The following EPB41L3 variants were observed in gnomAD, a reference collection of about 807,000 sequenced individuals.
EPB41L3 encodes the protein band 4.1-like protein 3.
EPB41L3 carries 57 observed loss-of-function variants against 127.1 expected under a neutral mutation model. That is an observed-to-expected ratio of 0.45 (90% CI 0.36 to 0.56). The LOEUF (loss-of-function observed/expected upper bound fraction) is 0.56, where lower values mean the gene tolerates loss of function less well. Among genes scored for constraint, EPB41L3 ranks in the 20% least tolerant of loss-of-function variants. The probability of loss-of-function intolerance (pLI) is 0.00; values close to 1 mark genes in which losing one functional copy is unlikely to be tolerated. For missense variants in EPB41L3, 1,273 were observed against 1,372.2 expected (o/e 0.93, Z 1.14); for synonymous variants, 572 against 549.5 (o/e 1.04, Z -0.57).
chr18:5,544,603 A>G (rs1181735775), upstream of EPB41L3, among the ~76,000 whole-genome samples: 1 of 152,204 alleles, frequency 6.6e-6, no homozygotes, highest in Non-Finnish European at 1.5e-5. Context: ...GAGGTGGCTC[A>G]CTGACTTGTA....
At position 5,397,020 on chromosome 18, in the gene EPB41L3, T is replaced by C. The variant is rs189121247; in HGVS notation, c.2841+38A>G. ...AATTTCCAGGCATCCTATATCAGTT[T>C]TATTTTAGTGATAAAAGTAACATTT... is the stretch of plus-strand genomic sequence containing the variant. On this transcript the variant is annotated intron_variant, in intron 18 of 22. Transcript: ENST00000341928. This position sits in a 1 kb window ranked among gnomAD's most constrained non-coding sequence, Gnocchi z 4.1. 2 of 1,513,950 alleles carry C rather than the reference T, an allele frequency of 1.3e-6. No homozygotes were observed. The highest frequency in any genetic ancestry group is 2.2e-5 in the East Asian group (1 of 44,460). The allele number at this position is 1,513,950 out of a possible 1,614,324, so 93.8% of individuals were successfully genotyped here.
intron 3 of EPB41L3, among the ~76,000 whole-genome samples, chr18:5,597,953 T>G (rs144117971): frequency 8.6e-4 from 131 of 152,330 alleles, no homozygotes; most frequent in African/African-American, 2.6e-3. Flanking sequence ...TTGAGTGCTC[T>G]CTCTGTCCCA....
intron 3 of EPB41L3, among the ~76,000 whole-genome samples, chr18:5,601,468 A>G (rs2094590681): frequency 6.6e-6 from 1 of 152,200 alleles, no homozygotes; most frequent in African/African-American, 2.4e-5. Context: ...GCCTGCAGGG[A>G]TCTGTCAGTT....
intron 3 of EPB41L3, among the ~76,000 whole-genome samples, chr18:5,598,757 G>A (rs1474305447): frequency 6.6e-6 from 1 of 152,182 alleles, no homozygotes; most frequent in Non-Finnish European, 1.5e-5. Flanking sequence ...ATTCTGCCTT[G>A]TCAATTAACA....
In EPB41L3 at chr18:5,397,073, T is replaced by C; in HGVS notation, c.2826A>G (p.Gln942=). The change falls in exon 18 of 23, where the codon CAA becomes CAG. Residue 942 remains glutamine, a synonymous_variant. Coordinates refer to ENST00000341928, the MANE Select transcript of EPB41L3 (RefSeq NM_012307.5). The surrounding 1 kb of genome is among the most constrained non-coding windows in gnomAD (Gnocchi z 4.1). The stretch of plus-strand genomic sequence containing the variant: ...TACTAGTTACCTCAAAATGAGGTTT[T>C]TGTTCCAAAGTTTCTGAAATGTGGA... ...AAIHISETLE[Q]KPHFESSTVK... is the part of the protein sequence containing the mutation. 2 of 1,599,316 alleles carry C rather than the reference T, an allele frequency of 1.3e-6. No individual in the cohort carries two copies. Among genetic ancestry groups the C allele is most frequent in the Non-Finnish European group, 1.7e-6 (2 of 1,174,152 alleles).
rs987287968 is a variant in EPB41L3, at chr18:5,445,155, A to G, written c.471T>C (p.Asp157=). Residue 157 remains aspartate (D), a synonymous_variant, in exon 4 of 23, where the codon GAT becomes GAC. Coordinates refer to ENST00000341928, the MANE Select transcript of EPB41L3 (RefSeq NM_012307.5). ...GATCACTCACCTTCTGGTTTTCAGC[A>G]TCTCGATACGTAAGCCCAAAGTAGT... ...EKDYFGLTYR[D]AENQKNWLDP... 2 of 1,614,032 alleles carry G rather than the reference A, an allele frequency of 1.2e-6. No individual in the cohort carries two copies. The highest frequency in any genetic ancestry group is 1.7e-6 in the Non-Finnish European group (2 of 1,179,928).
At chr18:5,422,393 G>A (rs1459668967) in intron 11 of EPB41L3, among the ~76,000 whole-genome samples, 2 of 152,342 alleles carry the variant, frequency 1.3e-5, no homozygotes, top group East Asian at 1.9e-4. Flanking sequence ...GGAAGGCAGA[G>A]CTGAGACTCT....
At chr18:5,471,577 T>G (rs1451700625) in intron 3 of EPB41L3, among the ~76,000 whole-genome samples, 3 of 152,226 alleles carry the variant, frequency 2.0e-5, no homozygotes, top group Admixed American at 2.0e-4. Context: ...CATGTATATC[T>G]ACTATGTGAA....
intron 3 of EPB41L3, among the ~76,000 whole-genome samples, chr18:5,573,542 A>C (rs1441441006): frequency 6.6e-6 from 1 of 152,192 alleles, no homozygotes; most frequent in Non-Finnish European, 1.5e-5. Flanking sequence ...ACATTTACTC[A>C]TATATGTAGA....
intron 1 of EPB41L3, among the ~76,000 whole-genome samples, chr18:5,540,933 A>C (rs1267972169): frequency 6.6e-6 from 1 of 151,884 alleles, no homozygotes; most frequent in Non-Finnish European, 1.5e-5. Flanking sequence ...AAATACAAAA[A>C]AATTAGCCGG....
Position 5,468,461 on chromosome 18 carries a change from C to G in EPB41L3, c.381+9780G>C, listed in dbSNP as rs373216008. Among the ~76,000 whole-genome samples the G allele has an allele frequency of 3.3e-5, 5 of 152,312 alleles. No individual in the cohort carries two copies. In the Middle Eastern group the frequency reaches 0.01, roughly 311 times the overall value. ...GTGGGCCAGTCAGCACGTACTTCCT[C>G]CCTTCTGAAGCCCATAAAAACTAGA... is the stretch of plus-strand genomic sequence containing the variant. On this transcript the variant is annotated intron_variant, in intron 3 of 22. Transcript: ENST00000341928.
At chr18:5,623,365 T>C (rs1422337612) in intron 1 of EPB41L3, among the ~76,000 whole-genome samples, 1 of 152,242 alleles carries the variant, frequency 6.6e-6, no homozygotes, top group Non-Finnish European at 1.5e-5. Context: ...TACCTAATTC[T>C]AACACTACGT....
intron 3 of EPB41L3, among the ~76,000 whole-genome samples, chr18:5,454,120 CT>C (rs1167040139): frequency 6.6e-6 from 1 of 151,664 alleles, no homozygotes; most frequent in Non-Finnish European, 1.5e-5. Context: ...CCTGGGCTTC[CT>C]TTTTTTCTAA....
chr18:5,454,002 C>G (rs1013204305), intron 3 of EPB41L3, among the ~76,000 whole-genome samples: 2 of 152,082 alleles, frequency 1.3e-5, no homozygotes, highest in African/African-American at 2.4e-5. Flanking sequence ...TTCTAAATGA[C>G]TGCACTACCA....
chr18:5,561,984 T>C (rs1181744711), intron 3 of EPB41L3, among the ~76,000 whole-genome samples: 1 of 152,042 alleles, frequency 6.6e-6, no homozygotes, highest in African/African-American at 2.4e-5. Context: ...AGTGTCAAAG[T>C]CATGAAAGAC....
chr18:5,460,268 C>A (rs1254503781), intron 3 of EPB41L3, among the ~76,000 whole-genome samples: 51 of 152,104 alleles, frequency 3.4e-4, no homozygotes, highest in Admixed American at 3.3e-3. Flanking sequence ...CATTTGGGTT[C>A]TCTCAGTAAT....
At chr18:5,592,681 C>T (rs946478257) in intron 3 of EPB41L3, among the ~76,000 whole-genome samples, 10 of 152,178 alleles carry the variant, frequency 6.6e-5, no homozygotes, top group African/African-American at 2.4e-4. Flanking sequence ...GGGGTTGGGA[C>T]ATCCGGTGGT....
chr18:5,506,118 T>C (rs1026551659), intron 1 of EPB41L3, among the ~76,000 whole-genome samples: 2 of 151,792 alleles, frequency 1.3e-5, no homozygotes, highest in Admixed American at 6.6e-5. Flanking sequence ...CACCTCACCA[T>C]CCAGTAACTG....
chr18:5,585,945 C>T (rs1005555810), intron 3 of EPB41L3, among the ~76,000 whole-genome samples: 3 of 152,208 alleles, frequency 2.0e-5, no homozygotes, highest in South Asian at 2.1e-4. Flanking sequence ...TGACCTTCTA[C>T]GAAGTCAGCT....
Sources: gnomAD v4.1 joint callset for allele counts (sites outside exome capture counted in the v4.1 genomes callset) on GRCh38, gnomAD v4.1.1 for gene constraint, Gnocchi (gnomAD v3.1) non-coding constraint, MANE v1.5 for transcripts, NCBI Gene and HGNC (gene_info 2026-07-23, HGNC 2026-07-21) for gene names.